The following CRY1 variants were observed in gnomAD, a reference collection of about 807,000 sequenced individuals.
CRY1 encodes cryptochrome-1.
Under a neutral mutation model 76.0 loss-of-function variants are expected in CRY1, and 45 were observed. The observed-to-expected ratio is 0.59, with a 90% CI of 0.47 to 0.76. The LOEUF (loss-of-function observed/expected upper bound fraction) is 0.76, where lower values mean the gene tolerates loss of function less well. CRY1 is among the 30% of genes least tolerant of loss of function. The pLI is 0.00. For missense variants in CRY1, 587 were observed against 716.4 expected, an observed-to-expected ratio of 0.82 and a Z score of 2.06; for synonymous variants, 248 against 244.0, an observed-to-expected ratio of 1.02 and a Z score of -0.15.
intron 1 of CRY1, among the ~76,000 whole-genome samples, chr12:107,042,361 AAT>A (rs1276715575): frequency 1.3e-5 from 2 of 152,206 alleles, no homozygotes; most frequent in Non-Finnish European, 2.9e-5. Flanking sequence ...ACAGAAGAAA[AAT>A]AGTAATTTTA....
chr12:107,066,911 C>CA (rs1339507657), intron 1 of CRY1, among the ~76,000 whole-genome samples: 1 of 152,058 alleles, frequency 6.6e-6, no homozygotes, highest in East Asian at 1.9e-4. Context: ...GTGATCCTCC[C>CA]ACCTCAGCTT....
chr12:107,092,378 C>A (rs892481266), intron 1 of CRY1, among the ~76,000 whole-genome samples: 3 of 152,186 alleles, frequency 2.0e-5, no homozygotes, highest in African/African-American at 7.2e-5. Context: ...GCCTGCTGTA[C>A]TGAATGAATG....
intron 1 of CRY1, among the ~76,000 whole-genome samples, chr12:107,081,680 TGA>T (rs1953327229): frequency 6.6e-6 from 1 of 152,000 alleles, no homozygotes; most frequent in South Asian, 2.1e-4. Context: ...ATCTGTTAAG[TGA>T]GAGAGAGATT....
At chr12:107,040,708 T>TA (rs1376037684) in intron 1 of CRY1, among the ~76,000 whole-genome samples, 1 of 151,946 alleles carries the variant, frequency 6.6e-6, no homozygotes, top group African/African-American at 2.4e-5. Flanking sequence ...AAATATATTT[T>TA]TAAAAAAAAG....
chr12:107,063,629 C>T (rs1953075401), intron 1 of CRY1, among the ~76,000 whole-genome samples: 1 of 152,056 alleles, frequency 6.6e-6, no homozygotes, highest in Non-Finnish European at 1.5e-5. Context: ...CAGAGTCTTG[C>T]TCTTGTTGCC....
At chr12:106,998,429 T>A (rs946050706) in intron 7 of CRY1, among the ~76,000 whole-genome samples, 10 of 152,288 alleles carry the variant, frequency 6.6e-5, no homozygotes, top group African/African-American at 2.2e-4. Context: ...GCAAAAATGC[T>A]ATTACATAAA....
intron 1 of CRY1, among the ~76,000 whole-genome samples, chr12:107,054,787 T>A (rs1952964633): frequency 6.6e-6 from 1 of 152,012 alleles, no homozygotes; most frequent in Middle Eastern, 3.2e-3. Flanking sequence ...TTAACCAGGT[T>A]AATAATCATC....
Position 106,999,989 on chromosome 12 carries a change from A to T in CRY1, c.778T>A (p.Leu260Met), listed in dbSNP as rs772672291. ...TTGAAGTAAAACAGTCGACATGACA[A>T]ACAACCAAATCGGAGATAAGGACTA... is the stretch of plus-strand genomic sequence containing the variant. ...GLSPYLRFGC[L>M]SCRLFYFKLT... Residue 260 changes from leucine to methionine, a missense_variant, in exon 6 of 13, where the codon TTG (leucine) becomes ATG (methionine). Physicochemically the swap from Leu to Met is conservative, Grantham distance 15. Coordinates refer to ENST00000008527, the MANE Select transcript of CRY1 (RefSeq NM_004075.5). 9 of 1,613,046 alleles carry T rather than the reference A, an allele frequency of 5.6e-6. No individual in the cohort carries two copies. The African/African-American group carries it at 1.2e-4, about 22-fold the overall frequency.
At chr12:107,050,877 A>G (rs1280141401) in intron 1 of CRY1, among the ~76,000 whole-genome samples, 2 of 152,166 alleles carry the variant, frequency 1.3e-5, no homozygotes, top group African/African-American at 4.8e-5. Flanking sequence ...GGGCAGCATG[A>G]AAGAAAGGAA....
chr12:107,002,908 CT>C (rs1952327989), intron 3 of CRY1, among the ~76,000 whole-genome samples: 1 of 152,178 alleles, frequency 6.6e-6, no homozygotes, highest in African/African-American at 2.4e-5. Context: ...TGACTTGCTC[CT>C]CCTTGCCTTC....
chr12:107,001,151 C>T (rs1952304414), intron 5 of CRY1, 129 bp downstream of exon 5: 1 of 653,952 alleles, frequency 1.5e-6, no homozygotes, highest in East Asian at 2.8e-5. Context: ...TAGGTTTGTG[C>T]TATTTTAACC....
intron 1 of CRY1, among the ~76,000 whole-genome samples, chr12:107,084,534 T>C (rs962290471): frequency 1.3e-5 from 2 of 152,110 alleles, no homozygotes; most frequent in Non-Finnish European, 2.9e-5. Flanking sequence ...ACCACACACC[T>C]ACAACCATCT....
chr12:107,001,618 T>C, intron 4 of CRY1, 146 bp downstream of exon 4: 5 of 712,126 alleles, frequency 7.0e-6, no homozygotes, highest in Non-Finnish European at 1.1e-5. Context: ...ATATCACTTC[T>C]TAAAGGGTTC....
At chr12:107,069,550 GTATA>G (rs1267120229) in intron 1 of CRY1, among the ~76,000 whole-genome samples, 3 of 104,792 alleles carry the variant, frequency 2.9e-5, no homozygotes, top group Non-Finnish European at 5.7e-5. Flanking sequence ...TATATATAAA[GTATA>G]TATATAATAT....
chr12:107,041,802 G>A (rs763594), intron 1 of CRY1, among the ~76,000 whole-genome samples: 1 of 147,262 alleles, frequency 6.8e-6, no homozygotes, highest in African/African-American at 2.5e-5. Flanking sequence ...TGGGGGTGGG[G>A]AAGAGTGCCA....
In CRY1 at chr12:107,001,343, A is replaced by C. The variant is rs767504299; in HGVS notation, c.621T>G (p.Ser207=). 2 of 1,613,458 alleles carry C rather than the reference A, an allele frequency of 1.2e-6. No individual in the cohort carries two copies. The highest frequency in any genetic ancestry group is 8.5e-7 in the Non-Finnish European group (1 of 1,179,768). The change falls in exon 5 of 13, where the codon TCT becomes TCG. Residue 207 remains serine, a synonymous_variant. Transcript: ENST00000008527. ...CAGTTTCTCCACCTGGCCACACTGC[A>C]GAGGATAAGCCATCTGTATCAAAAC... is the stretch of plus-strand genomic sequence containing the variant. ...ELGFDTDGLS[S]AVWPGGETEA...
At chr12:107,020,038 G>A (rs1383365825) in intron 2 of CRY1, among the ~76,000 whole-genome samples, 1 of 152,142 alleles carries the variant, frequency 6.6e-6, no homozygotes, top group Non-Finnish European at 1.5e-5. Context: ...ATGAGTTGCT[G>A]ATAGATTATT....
intron 2 of CRY1, among the ~76,000 whole-genome samples, chr12:107,011,971 C>T (rs912742689): frequency 2.6e-5 from 4 of 152,144 alleles, no homozygotes; most frequent in African/African-American, 9.7e-5. Context: ...CAGGCAGATG[C>T]TTGAGGTCAG....
chr12:107,048,889 G>T (rs1043253731), intron 1 of CRY1, among the ~76,000 whole-genome samples: 9 of 152,060 alleles, frequency 5.9e-5, no homozygotes, highest in Admixed American at 2.0e-4. Flanking sequence ...TAATTGTCTG[G>T]TTTTTTTCCT....
Sources: allele counts gnomAD v4.1 joint callset (sites outside exome capture counted in the v4.1 genomes callset), GRCh38; gene constraint gnomAD v4.1.1; transcripts MANE v1.5; gene names NCBI Gene and HGNC (gene_info 2026-07-23, HGNC 2026-07-21).